Variants in GRIN2A observed in about 807,000 individuals in gnomAD.
GRIN2A encodes glutamate receptor ionotropic, NMDA 2A.
In GRIN2A, 22 loss-of-function variants were observed where a neutral mutation model predicts 113.4. That is an observed-to-expected ratio of 0.19 (90% CI 0.14 to 0.28). GRIN2A has a LOEUF of 0.28. Ranked by LOEUF, GRIN2A falls within the 10% of genes least tolerant of loss-of-function variation. The pLI is 1.00. For missense variants in GRIN2A, 1,502 were observed against 1,887.0 expected, an observed-to-expected ratio of 0.80 and a Z score of 3.78; for synonymous variants, 827 against 738.4, an observed-to-expected ratio of 1.12 and a Z score of -1.94.
chr16:9,792,477 G>C (rs950478856), intron 11 of GRIN2A, among the ~76,000 whole-genome samples: 8 of 152,102 alleles, frequency 5.3e-5, no homozygotes, highest in African/African-American at 1.7e-4. Context: ...TCCCACCTCA[G>C]GCTCCTGAGT....
intron 2 of GRIN2A, among the ~76,000 whole-genome samples, chr16:10,033,340 G>C (rs1421207221): frequency 6.6e-6 from 1 of 152,092 alleles, no homozygotes; most frequent in Non-Finnish European, 1.5e-5. Flanking sequence ...AGGATACCAA[G>C]GTAAACCCAG....
intron 2 of GRIN2A, among the ~76,000 whole-genome samples, chr16:10,131,330 A>T (rs1289770991): frequency 6.6e-6 from 1 of 152,126 alleles, no homozygotes; most frequent in Non-Finnish European, 1.5e-5. Context: ...CCCCATGTCC[A>T]TGCTTCTCCC....
Position 9,871,863 on chromosome 16 carries a change from C to A in GRIN2A, c.1122+19123G>T, listed in dbSNP as rs566999670. Among the ~76,000 whole-genome samples the A allele has an allele frequency of 4.5e-4, 68 of 152,244 alleles. No individual in the cohort carries two copies. In the South Asian group the frequency reaches 0.014, roughly 31 times the overall value. ...ATTCTCTATCTCCCACAGCATGGCA[C>A]AATTGCACTTGCTTTGTAGAATTTG... On this transcript the variant is annotated intron_variant, in intron 4 of 12. Transcript: ENST00000330684.
intron 2 of GRIN2A, among the ~76,000 whole-genome samples, chr16:10,002,531 C>A (rs1054426258): frequency 1.3e-5 from 2 of 152,118 alleles, no homozygotes; most frequent in Non-Finnish European, 2.9e-5. Flanking sequence ...TCTATAGGTA[C>A]CTTCCTCACA....
At chr16:9,989,607 A>G (rs1445041852) in intron 2 of GRIN2A, among the ~76,000 whole-genome samples, 2 of 152,186 alleles carry the variant, frequency 1.3e-5, no homozygotes. Context: ...TAGACAACCT[A>G]CAGAATGGGG....
In GRIN2A at chr16:10,123,852, C is replaced by T. The variant is rs143842757; in HGVS notation, c.414+56146G>A. Among the ~76,000 whole-genome samples the T allele has an allele frequency of 1.4e-4, 22 of 152,296 alleles. No homozygotes were observed. The South Asian group carries it at 3.1e-3, about 22-fold the overall frequency. On this transcript the variant is annotated intron_variant, in intron 2 of 12. Transcript: ENST00000330684. ...TTCTTACTGTGTGCCTCAGCTTCCA[C>T]ATTTGCAGAATAGTGCTCAAAATAA...
intron 4 of GRIN2A, among the ~76,000 whole-genome samples, chr16:9,866,425 A>G (rs1270086258): frequency 2.0e-5 from 3 of 152,240 alleles, no homozygotes; most frequent in Admixed American, 1.3e-4. Flanking sequence ...TTGTCCAAAC[A>G]GGAAGAAACA....
At chr16:9,842,852 A>G (rs1269763555) in intron 5 of GRIN2A, among the ~76,000 whole-genome samples, 4 of 152,078 alleles carry the variant, frequency 2.6e-5, no homozygotes, top group African/African-American at 7.2e-5. Context: ...AATAGCTTCA[A>G]TCTGGGAGGT....
rs554703367 is a variant in GRIN2A, at chr16:9,860,875, T to G, written c.1123-10914A>C. Among the ~76,000 whole-genome samples, 121 of 152,308 alleles carry G rather than the reference T, an allele frequency of 7.9e-4. 1 individual carries two copies. Among genetic ancestry groups the G allele is most frequent in the Admixed American group, 1.5e-3 (23 of 15,300 alleles). ...CACGTGATCCATGTTCGATATAGTA[T>G]AGTGCTCACCCACAATGCAGTTCAA... is the stretch of plus-strand genomic sequence containing the variant. On this transcript the variant is annotated intron_variant, in intron 4 of 12. Coordinates refer to ENST00000330684, the MANE Select transcript of GRIN2A (RefSeq NM_001134407.3).
chr16:10,070,979 T>C (rs1002185362), intron 2 of GRIN2A, among the ~76,000 whole-genome samples: 1 of 152,178 alleles, frequency 6.6e-6, no homozygotes, highest in African/African-American at 2.4e-5. Context: ...TTGGAGTGCC[T>C]TGGTCACCTG....
intron 2 of GRIN2A, among the ~76,000 whole-genome samples, chr16:10,039,806 G>GAGAGAGA (rs1555469296): frequency 1.8e-5 from 1 of 54,560 alleles, no homozygotes. Flanking sequence ...GGGGGAGGGG[G>GAGAGAGA]GGGAGAAAGA....
At chr16:9,901,237 G>A (rs113416356) in intron 3 of GRIN2A, among the ~76,000 whole-genome samples, 10 of 152,144 alleles carry the variant, frequency 6.6e-5, no homozygotes, top group African/African-American at 2.4e-4. Context: ...CTGTCTTTTT[G>A]TTTTCTTTCG....
intron 12 of GRIN2A, among the ~76,000 whole-genome samples, chr16:9,768,239 G>C (rs984165000): frequency 8.5e-5 from 12 of 140,420 alleles, no homozygotes; most frequent in Non-Finnish European, 6.5e-5. Context: ...TAGTAGAGAA[G>C]GGGGGGGTCT....
intron 2 of GRIN2A, among the ~76,000 whole-genome samples, chr16:10,159,016 A>C (rs2079781916): frequency 1.3e-5 from 2 of 152,186 alleles, no homozygotes; most frequent in Non-Finnish European, 2.9e-5. Context: ...TCTTCTGATC[A>C]AAAAAACAGA....
intron 11 of GRIN2A, among the ~76,000 whole-genome samples, chr16:9,778,304 C>T (rs940464065): frequency 6.6e-6 from 1 of 152,178 alleles, no homozygotes; most frequent in African/African-American, 2.4e-5. Context: ...ATACCAAGCA[C>T]TTCTGGAATC....
At chr16:9,891,233 C>G in intron 3 of GRIN2A, 133 bp from the exon 4 acceptor site, 1 of 693,198 alleles carries the variant, frequency 1.4e-6, no homozygotes, top group South Asian at 1.5e-5. Context: ...CAAGAAGCCT[C>G]TCTGCAGAAG....
chr16:9,982,123 TG>T (rs964837870), intron 2 of GRIN2A, among the ~76,000 whole-genome samples: 5 of 152,272 alleles, frequency 3.3e-5, no homozygotes, highest in African/African-American at 7.2e-5. Flanking sequence ...TTTATTTCAT[TG>T]CATTTTTGGT....
rs1201365885 is a variant in GRIN2A, at chr16:10,129,992, T to C, written c.414+50006A>G. ...GAAGCCCTTGCTGATGGTTTCTACA[T>C]AGCAGGTAAGAGGGAGAGAGAAATC... On this transcript the variant is annotated intron_variant, in intron 2 of 12. Transcript: ENST00000330684. 3.3e-5 allele frequency among the ~76,000 whole-genome samples: 5 copies of C among 152,194 alleles called. No individual in the cohort carries two copies. In the South Asian group the frequency reaches 8.3e-4, roughly 25 times the overall value.
chr16:10,072,382 A>G (rs535255443), intron 2 of GRIN2A, among the ~76,000 whole-genome samples: 9 of 152,348 alleles, frequency 5.9e-5, no homozygotes, highest in Non-Finnish European at 1.2e-4. Context: ...GCAAAGAGAA[A>G]CAAGTACCTA....
Sources: allele counts gnomAD v4.1 joint callset (sites outside exome capture counted in the v4.1 genomes callset), GRCh38; gene constraint gnomAD v4.1.1; transcripts MANE v1.5; gene names NCBI Gene and HGNC (gene_info 2026-07-23, HGNC 2026-07-21).